Variants in CHN1 observed in about 807,000 individuals in gnomAD.
CHN1 encodes the protein N-chimaerin.
Under a neutral mutation model 59.5 loss-of-function variants are expected in CHN1, and 37 were observed. That is an observed-to-expected ratio of 0.62 (90% CI 0.48 to 0.82). The LOEUF is 0.82. CHN1 is among the 40% of genes least tolerant of loss of function. The pLI is 0.00. For missense variants in CHN1, 469 were observed against 571.0 expected (o/e 0.82, Z 1.82); for synonymous variants, 206 against 200.4 (o/e 1.03, Z -0.24).
intron 1 of CHN1, among the ~76,000 whole-genome samples, chr2:174,997,828 G>A (rs529084392): frequency 2.6e-5 from 4 of 151,176 alleles, no homozygotes; most frequent in East Asian, 2.0e-4. Flanking sequence ...TCAGGAGTTC[G>A]AGACCAGCCT....
At chr2:174,876,804 G>C (rs1687578230) in intron 6 of CHN1, among the ~76,000 whole-genome samples, 1 of 152,140 alleles carries the variant, frequency 6.6e-6, no homozygotes, top group Non-Finnish European at 1.5e-5. Flanking sequence ...TACATTGAGT[G>C]TCTACATGTG....
chr2:174,965,463 G>A (rs1429238962), intron 1 of CHN1, among the ~76,000 whole-genome samples: 1 of 151,692 alleles, frequency 6.6e-6, no homozygotes, highest in Non-Finnish European at 1.5e-5. Flanking sequence ...ATTTTTTTAG[G>A]GCCAAACCAA....
chr2:174,991,571 G>C (rs1222361906), intron 1 of CHN1, among the ~76,000 whole-genome samples: 2 of 152,128 alleles, frequency 1.3e-5, no homozygotes, highest in Non-Finnish European at 1.5e-5. Context: ...CTAGCAAAAG[G>C]AACCAATTCC....
chr2:174,814,111 G>T (rs1455786124), intron 8 of CHN1, among the ~76,000 whole-genome samples: 1 of 152,240 alleles, frequency 6.6e-6, no homozygotes, highest in Non-Finnish European at 1.5e-5. Context: ...GGCAACTCTC[G>T]GGAAAGAATT....
chr2:174,996,292 C>T (rs552546910), intron 1 of CHN1, among the ~76,000 whole-genome samples: 27 of 152,298 alleles, frequency 1.8e-4, no homozygotes, highest in African/African-American at 4.1e-4. Context: ...TCTGCAATGG[C>T]ACATGGCACT....
intron 1 of CHN1, among the ~76,000 whole-genome samples, chr2:174,958,259 C>T (rs1297812111): frequency 2.0e-5 from 3 of 152,160 alleles, no homozygotes; most frequent in Non-Finnish European, 2.9e-5. Context: ...TTCTCCTGGA[C>T]GCTGTCCTGT....
intron 5 of CHN1, among the ~76,000 whole-genome samples, chr2:174,909,751 A>C (rs1443405445): frequency 2.6e-5 from 4 of 152,174 alleles, no homozygotes; most frequent in Non-Finnish European, 5.9e-5. Flanking sequence ...ACCTTAAATA[A>C]CTTATGTCTA....
chr2:174,899,580 A>G (rs1041973830), intron 5 of CHN1, among the ~76,000 whole-genome samples: 5 of 152,246 alleles, frequency 3.3e-5, no homozygotes, highest in Non-Finnish European at 5.9e-5. Flanking sequence ...TCTATATAAC[A>G]TAATATTCTC....
chr2:174,965,073 T>C (rs562206223), intron 1 of CHN1, among the ~76,000 whole-genome samples: 25 of 152,256 alleles, frequency 1.6e-4, no homozygotes, highest in African/African-American at 5.8e-4. Context: ...ATATAATTTA[T>C]AACATTATAG....
At position 174,987,476 on chromosome 2, in the gene CHN1, C is replaced by T. The variant is rs990115906; in HGVS notation, c.19+17418G>A. On this transcript the variant is annotated intron_variant, in intron 1 of 12. Transcript: ENST00000409900. The stretch of plus-strand genomic sequence containing the variant: ...AGGCTGGAGTACAGTGGCGCAATCT[C>T]GGCTCACTGCAACCTCCACCTCCCA... Among the ~76,000 whole-genome samples the T allele has an allele frequency of 5.3e-5, 8 of 150,894 alleles. No homozygotes were observed. The East Asian group carries it at 1.4e-3, about 26-fold the overall frequency.
At chr2:174,896,275 TATAAA>T (rs1688215845) in intron 5 of CHN1, among the ~76,000 whole-genome samples, 1 of 152,114 alleles carries the variant, frequency 6.6e-6, no homozygotes. Context: ...AGATTACACT[TATAAA>T]AGAGAAAACA....
At chr2:174,885,418 C>T (rs1687867883) in intron 5 of CHN1, among the ~76,000 whole-genome samples, 2 of 152,070 alleles carry the variant, frequency 1.3e-5, no homozygotes, top group South Asian at 4.1e-4. Context: ...TTTACAGAGC[C>T]ATAATGGTCT....
At chr2:174,808,771 G>A (rs1367131279) in intron 11 of CHN1, 134 bp downstream of exon 11, 11 of 900,080 alleles carry the variant, frequency 1.2e-5, no homozygotes, top group African/African-American at 3.3e-5. Context: ...CAAAATTCTT[G>A]TAAGTACATT....
chr2:174,895,213 T>TATATATAC (rs755454217), intron 5 of CHN1, among the ~76,000 whole-genome samples: 1 of 142,422 alleles, frequency 7.0e-6, no homozygotes, highest in Non-Finnish European at 1.5e-5. Context: ...TATATATATA[T>TATATATAC]ACACACACAC....
intron 5 of CHN1, among the ~76,000 whole-genome samples, chr2:174,897,529 A>G (rs2105352907): frequency 6.8e-6 from 1 of 147,152 alleles, no homozygotes; most frequent in East Asian, 2.0e-4. Context: ...AAAAAAAAAA[A>G]TCAAAATACC....
chr2:174,928,800 A>G (rs1308793021), intron 3 of CHN1, among the ~76,000 whole-genome samples: 1 of 152,188 alleles, frequency 6.6e-6, no homozygotes, highest in Non-Finnish European at 1.5e-5. Flanking sequence ...TATTTTCACT[A>G]TGTTTTCTAA....
intron 3 of CHN1, among the ~76,000 whole-genome samples, chr2:174,926,152 T>A (rs1166224851): frequency 6.6e-6 from 1 of 152,118 alleles, no homozygotes; most frequent in Non-Finnish European, 1.5e-5. Context: ...TCAATGAAAT[T>A]CATTAAATTA....
intron 7 of CHN1, among the ~76,000 whole-genome samples, chr2:174,830,450 G>A (rs932228731): frequency 6.6e-6 from 1 of 152,042 alleles, no homozygotes; most frequent in African/African-American, 2.4e-5. Context: ...GTTAAGTTAC[G>A]TCTAGTCAAA....
intron 6 of CHN1, among the ~76,000 whole-genome samples, chr2:174,869,517 G>T (rs1027780938): frequency 1.4e-4 from 22 of 152,068 alleles, no homozygotes; most frequent in African/African-American, 5.3e-4. Context: ...CTGGGTGGGG[G>T]TAAGATTTTC....
Sources: gnomAD v4.1 joint callset for allele counts (sites outside exome capture counted in the v4.1 genomes callset) on GRCh38, gnomAD v4.1.1 for gene constraint, MANE v1.5 for transcripts, NCBI Gene and HGNC (gene_info 2026-07-23, HGNC 2026-07-21) for gene names.